LTBP1: variants seen among roughly 807,000 people sequenced by gnomAD.
LTBP1 encodes the protein latent-transforming growth factor beta-binding protein 1.
Under a neutral mutation model 207.6 loss-of-function variants are expected in LTBP1, and 129 were observed. The ratio of observed to expected loss-of-function variants is 0.62; its 90% CI spans 0.54 to 0.72. The LOEUF is 0.72. Ranked by LOEUF, LTBP1 falls within the 30% of genes least tolerant of loss-of-function variation. The pLI is 0.00. For missense variants in LTBP1, 2,281 were observed against 2,217.2 expected (o/e 1.03, Z -0.58); for synonymous variants, 963 against 833.7 (o/e 1.16, Z -2.67).
chr2:33,258,159 T>G (rs566435080), intron 12 of LTBP1, among the ~76,000 whole-genome samples: 3 of 152,244 alleles, frequency 2.0e-5, no homozygotes, highest in Non-Finnish European at 4.4e-5. Flanking sequence ...CAATGGACTT[T>G]GACTCTCTCT....
intron 15 of LTBP1, among the ~76,000 whole-genome samples, chr2:33,266,527 T>G (rs1004031024): frequency 1.3e-5 from 2 of 152,140 alleles, no homozygotes; most frequent in African/African-American, 4.8e-5. Context: ...ACTTCATCGA[T>G]AACAGTTTGG....
At chr2:33,330,109 T>C (rs1413148838) in intron 24 of LTBP1, among the ~76,000 whole-genome samples, 1 of 152,128 alleles carries the variant, frequency 6.6e-6, no homozygotes, top group Non-Finnish European at 1.5e-5. Flanking sequence ...GACTTATTCC[T>C]AGGTCTTCAA....
chr2:32,991,116 T>A (rs956481917), intron 2 of LTBP1, among the ~76,000 whole-genome samples: 1 of 152,228 alleles, frequency 6.6e-6, no homozygotes, highest in Non-Finnish European at 1.5e-5. Flanking sequence ...TTGAGTTTGT[T>A]ACTCATTTTG....
At chr2:33,040,424 T>A (rs1176460714) in intron 3 of LTBP1, among the ~76,000 whole-genome samples, 1 of 152,202 alleles carries the variant, frequency 6.6e-6, no homozygotes, top group Non-Finnish European at 1.5e-5. Context: ...TAGAATAATA[T>A]TTCTTTGTAA....
intron 10 of LTBP1, among the ~76,000 whole-genome samples, chr2:33,245,742 C>A (rs1264750435): frequency 3.3e-5 from 5 of 152,170 alleles, no homozygotes; most frequent in Non-Finnish European, 7.3e-5. Flanking sequence ...TATGTTAAAT[C>A]ATTTTATAAT....
chr2:33,164,842 T>C (rs1251503274), intron 5 of LTBP1, among the ~76,000 whole-genome samples: 1 of 152,196 alleles, frequency 6.6e-6, no homozygotes, highest in Non-Finnish European at 1.5e-5. Flanking sequence ...CCTTTGAAGT[T>C]TGTATACAGA....
intron 8 of LTBP1, among the ~76,000 whole-genome samples, chr2:33,220,141 A>C (rs2091006175): frequency 6.6e-6 from 1 of 152,238 alleles, no homozygotes; most frequent in Non-Finnish European, 1.5e-5. Context: ...GTAAACTGTT[A>C]ACATCTTGAC....
intron 2 of LTBP1, among the ~76,000 whole-genome samples, chr2:33,018,902 T>C (rs1470391111): frequency 6.6e-6 from 1 of 152,134 alleles, no homozygotes; most frequent in Non-Finnish European, 1.5e-5. Flanking sequence ...CTTCCCAACT[T>C]TCTGAAAATT....
intron 2 of LTBP1, among the ~76,000 whole-genome samples, chr2:32,974,297 G>C (rs1425259052): frequency 6.6e-6 from 1 of 152,120 alleles, no homozygotes; most frequent in East Asian, 1.9e-4. Context: ...CATTTAACTG[G>C]GGTGAGATGA....
At chr2:33,127,386 C>G (rs1471570417) in intron 4 of LTBP1, among the ~76,000 whole-genome samples, 1 of 152,188 alleles carries the variant, frequency 6.6e-6, no homozygotes, top group Admixed American at 6.5e-5. Context: ...TTTGTGACTT[C>G]CAGCTATCAG....
chr2:33,142,121 G>A (rs1248060584), intron 5 of LTBP1, among the ~76,000 whole-genome samples: 3 of 151,928 alleles, frequency 2.0e-5, no homozygotes, highest in Non-Finnish European at 2.9e-5. Context: ...GCGGGATCTC[G>A]GCTCACTGCA....
At chr2:33,199,501 G>C (rs1223519695) in intron 7 of LTBP1, among the ~76,000 whole-genome samples, 1 of 152,120 alleles carries the variant, frequency 6.6e-6, no homozygotes, top group Non-Finnish European at 1.5e-5. Flanking sequence ...ACCTGTGACA[G>C]ACCCACAGCC....
At chr2:33,101,317 A>G (rs407093) in intron 3 of LTBP1, among the ~76,000 whole-genome samples, 118,774 of 151,740 alleles carry the variant, frequency 0.78, 47,707 homozygotes, top group Non-Finnish European at 0.89. Flanking sequence ...TTTCTTAAGT[A>G]TACACTTAGG....
At chr2:33,107,480 GC>G (rs1225358681) in intron 3 of LTBP1, among the ~76,000 whole-genome samples, 1 of 152,012 alleles carries the variant, frequency 6.6e-6, no homozygotes, top group Non-Finnish European at 1.5e-5. Context: ...CAGAAGGGAT[GC>G]TGGAGCAGAG....
chr2:33,020,179 G>A (rs981897101), intron 2 of LTBP1, among the ~76,000 whole-genome samples: 2 of 152,054 alleles, frequency 1.3e-5, no homozygotes, highest in Admixed American at 1.3e-4. Context: ...GGTGTGTTTT[G>A]GGCGACTCTC....
At chr2:33,052,407 C>T (rs1319826717) in intron 3 of LTBP1, among the ~76,000 whole-genome samples, 1 of 152,226 alleles carries the variant, frequency 6.6e-6, no homozygotes, top group East Asian at 1.9e-4. Flanking sequence ...ATTTAAACAT[C>T]ATCTCTGTAA....
chr2:33,238,046 A>C (rs1172401197), intron 9 of LTBP1, among the ~76,000 whole-genome samples: 1 of 117,582 alleles, frequency 8.5e-6, no homozygotes, highest in African/African-American at 4.8e-5. Context: ...AGTTTAAGAA[A>C]TATATATATT....
chr2:32,965,664 C>G (rs1206906926), intron 2 of LTBP1, among the ~76,000 whole-genome samples: 1 of 152,138 alleles, frequency 6.6e-6, no homozygotes, highest in African/African-American at 2.4e-5. Flanking sequence ...TAGCACGTGT[C>G]TTTTTAATAC....
intron 3 of LTBP1, among the ~76,000 whole-genome samples, chr2:33,046,456 G>T (rs1443279997): frequency 1.3e-5 from 2 of 152,192 alleles, no homozygotes; most frequent in African/African-American, 4.8e-5. Flanking sequence ...GCCTCCCGGG[G>T]ATGAAGCCGA....
Sources: allele counts gnomAD v4.1 joint callset (sites outside exome capture counted in the v4.1 genomes callset), GRCh38; gene constraint gnomAD v4.1.1; transcripts MANE v1.5; gene names NCBI Gene and HGNC (gene_info 2026-07-23, HGNC 2026-07-21).